Variants in PEBP4 observed in about 807,000 individuals in gnomAD.
PEBP4 encodes phosphatidylethanolamine binding protein 4.
PEBP4 carries 22 observed loss-of-function variants against 23.9 expected under a neutral mutation model. That is an observed-to-expected ratio of 0.92 (90% confidence interval 0.66 to 1.31). The LOEUF (loss-of-function observed/expected upper bound fraction) is 1.31, where lower values mean the gene tolerates loss of function less well. PEBP4 is among the 40% of genes most tolerant of loss of function. The pLI is 0.00. For missense variants in PEBP4, 324 were observed against 281.7 expected (o/e 1.15, Z -1.07); for synonymous variants, 112 against 99.3 (o/e 1.13, Z -0.76).
intron 4 of PEBP4, among the ~76,000 whole-genome samples, chr8:22,764,947 G>A (rs1335067802): frequency 6.6e-6 from 1 of 152,088 alleles, no homozygotes; most frequent in Non-Finnish European, 1.5e-5. Context: ...TCAGAGAGAG[G>A]AGGGGATGGA....
At chr8:22,810,216 C>T (rs898076230) in intron 4 of PEBP4, among the ~76,000 whole-genome samples, 15 of 152,162 alleles carry the variant, frequency 9.9e-5, no homozygotes, top group Non-Finnish European at 1.9e-4. Flanking sequence ...TACTTCCTTC[C>T]GCTGCTGCTG....
chr8:22,868,971 C>G (rs1807956940), intron 3 of PEBP4, among the ~76,000 whole-genome samples: 1 of 152,168 alleles, frequency 6.6e-6, no homozygotes, highest in African/African-American at 2.4e-5. Flanking sequence ...CAAAAGCCAC[C>G]AGACCCTACA....
In PEBP4 at chr8:22,713,385, C is replaced by T. The variant is rs764366050; in HGVS notation, c.669G>A (p.Glu223=). 22 of 1,584,618 alleles carry T rather than the reference C, an allele frequency of 1.4e-5. 1 individual carries two copies. In the Admixed American group the frequency reaches 3.6e-4, roughly 26 times the overall value. ...ASEPKHKNQA[E]IAAC ...AGCCGGCTATCTAGCAGGCAGCTAT[C>T]TCCGCCTGGTTTTTGTGCTTGGGCT... Residue 223 remains glutamate (E), a synonymous_variant, in exon 7 of 7, where the codon GAG becomes GAA. Coordinates refer to ENST00000256404, the MANE Select transcript of PEBP4 (RefSeq NM_144962.3).
chr8:22,786,432 G>T (rs994953788), intron 4 of PEBP4, among the ~76,000 whole-genome samples: 1 of 151,964 alleles, frequency 6.6e-6, no homozygotes. Context: ...ACAGTTGCAC[G>T]CCACCATGTC....
chr8:22,880,869 C>T (rs942464251), intron 3 of PEBP4, among the ~76,000 whole-genome samples: 4 of 152,208 alleles, frequency 2.6e-5, no homozygotes, highest in African/African-American at 9.6e-5. Context: ...GACCTCAAGA[C>T]CTTGATGCAG....
chr8:22,850,642 T>A (rs1353102399), intron 3 of PEBP4, among the ~76,000 whole-genome samples: 1 of 152,190 alleles, frequency 6.6e-6, no homozygotes, highest in African/African-American at 2.4e-5. Flanking sequence ...GAACCTGCCA[T>A]TTGTGACTTC....
intron 4 of PEBP4, among the ~76,000 whole-genome samples, chr8:22,797,215 T>C (rs1459852911): frequency 1.4e-5 from 2 of 146,282 alleles, no homozygotes; most frequent in Non-Finnish European, 1.5e-5. Flanking sequence ...ATTGCGCCAT[T>C]GTACTCCAGC....
Position 22,758,853 on chromosome 8 carries a change from T to C in PEBP4, c.358-31633A>G, listed in dbSNP as rs183225993. Among the ~76,000 whole-genome samples, 291 of 152,232 alleles carry C rather than the reference T, an allele frequency of 1.9e-3. 9 individuals are homozygous for C. The highest frequency in any genetic ancestry group is 0.017 in the Admixed American group (263 of 15,298). On this transcript the variant is annotated intron_variant, in intron 4 of 6. Transcript: ENST00000256404. ...TTGGGATATTTTATCAGGGAGCCAA[T>C]GCCTTGCCTTGGAAGGGAGAGGCCC...
At chr8:22,861,691 C>T (rs1023639753) in intron 3 of PEBP4, among the ~76,000 whole-genome samples, 1 of 152,166 alleles carries the variant, frequency 6.6e-6, no homozygotes, top group African/African-American at 2.4e-5. Flanking sequence ...CGTTCTGAGT[C>T]TTGCAGCCCA....
At chr8:22,787,063 T>C (rs755356152) in intron 4 of PEBP4, among the ~76,000 whole-genome samples, 10 of 152,194 alleles carry the variant, frequency 6.6e-5, no homozygotes, top group Admixed American at 1.3e-4. Context: ...GCTCAAGCAA[T>C]CTTCCTGCCT....
chr8:22,792,918 T>G (rs942799631), intron 4 of PEBP4, among the ~76,000 whole-genome samples: 2 of 152,204 alleles, frequency 1.3e-5, no homozygotes, highest in African/African-American at 2.4e-5. Context: ...AGTGGGACCC[T>G]TACCTAATTC....
At chr8:22,785,763 C>T (rs539084322) in intron 4 of PEBP4, among the ~76,000 whole-genome samples, 1 of 152,282 alleles carries the variant, frequency 6.6e-6, no homozygotes, top group Non-Finnish European at 1.5e-5. Flanking sequence ...AGTCTGGCAT[C>T]GAGAAGCTTG....
At chr8:22,888,668 A>G (rs940222284) in intron 3 of PEBP4, among the ~76,000 whole-genome samples, 3 of 152,308 alleles carry the variant, frequency 2.0e-5, no homozygotes, top group East Asian at 3.9e-4. Context: ...TTCCTAAACC[A>G]TTAATTTCAT....
intron 2 of PEBP4, among the ~76,000 whole-genome samples, chr8:22,924,494 A>G (rs1322049317): frequency 3.3e-5 from 5 of 152,206 alleles, no homozygotes; most frequent in Non-Finnish European, 5.9e-5. Context: ...CACCACACAC[A>G]TGAATGACCA....
intron 3 of PEBP4, among the ~76,000 whole-genome samples, chr8:22,834,334 G>A (rs571791760): frequency 2.6e-5 from 4 of 152,324 alleles, no homozygotes; most frequent in East Asian, 3.9e-4. Flanking sequence ...GATGCAAGCC[G>A]GGTGCTGCCC....
In PEBP4 at chr8:22,913,029, G is replaced by T. The variant is rs191916033; in HGVS notation, c.258+7155C>A. On this transcript the variant is annotated intron_variant, in intron 3 of 6. Transcript: ENST00000256404. ...CACACACAGTTCTCCTGGAACCTTG[G>T]AAAGTCCAACTCTTCTTTTGTGTCT... 8.9e-3 allele frequency among the ~76,000 whole-genome samples: 1,350 copies of T among 152,284 alleles called. 5 individuals are homozygous for T. Among genetic ancestry groups the T allele is most frequent in the Non-Finnish European group, 0.014 (922 of 68,020 alleles).
intron 4 of PEBP4, among the ~76,000 whole-genome samples, chr8:22,811,649 C>T (rs542177397): frequency 1.1e-4 from 17 of 152,186 alleles, no homozygotes; most frequent in Non-Finnish European, 2.1e-4. Flanking sequence ...TGGCCTGGGA[C>T]GGCTCCAGGG....
chr8:22,853,261 T>C (rs1807582561), intron 3 of PEBP4, among the ~76,000 whole-genome samples: 1 of 152,178 alleles, frequency 6.6e-6, no homozygotes, highest in East Asian at 1.9e-4. Flanking sequence ...GTGTGACAGA[T>C]TTCTTTTGTC....
At position 22,808,634 on chromosome 8, in the gene PEBP4, C is replaced by T. The variant is rs553169832; in HGVS notation, c.357+9003G>A. Among the ~76,000 whole-genome samples the T allele has an allele frequency of 1.7e-3, 254 of 152,292 alleles. 1 individual carries two copies. In the Middle Eastern group the frequency reaches 0.034, roughly 20 times the overall value. The stretch of plus-strand genomic sequence containing the variant: ...CCTTTCGGCAGAGGTGACATCTGAG[C>T]TGGGCCTTGAAGTAGGAGGAGTTGC... On this transcript the variant is annotated intron_variant, in intron 4 of 6. Transcript: ENST00000256404.
Sources: allele counts gnomAD v4.1 joint callset (sites outside exome capture counted in the v4.1 genomes callset), GRCh38; gene constraint gnomAD v4.1.1; transcripts MANE v1.5; gene names NCBI Gene and HGNC (gene_info 2026-07-23, HGNC 2026-07-21).